The following GPC6 variants were observed in gnomAD, a reference collection of about 807,000 sequenced individuals.
The protein encoded by GPC6 is glypican-6.
Under a neutral mutation model 55.2 loss-of-function variants are expected in GPC6, and 14 were observed. The ratio of observed to expected loss-of-function variants is 0.25; its 90% CI spans 0.17 to 0.40. The LOEUF (loss-of-function observed/expected upper bound fraction) is 0.40. GPC6 is among the 10% of genes least tolerant of loss of function. The pLI is 1.00. For missense variants in GPC6, 641 were observed against 708.5 expected (o/e 0.90, Z 1.08); for synonymous variants, 278 against 259.6 (o/e 1.07, Z -0.68).
intron 4 of GPC6, among the ~76,000 whole-genome samples, chr13:94,186,058 TC>T (rs751990308): frequency 0.013 from 4 of 312 alleles, no homozygotes; most frequent in Admixed American, 0.036. Context: ...AGACTCCGTC[TC>T]CAAAAAAAAA....
At chr13:93,827,894 T>TAA (rs67134033) in intron 2 of GPC6, among the ~76,000 whole-genome samples, 14 of 150,278 alleles carry the variant, frequency 9.3e-5, no homozygotes, top group Non-Finnish European at 1.6e-4. Flanking sequence ...GAAGAAAAAA[T>TAA]AAAAAAAAAC....
At chr13:93,426,761 G>T (rs1345593702) in intron 1 of GPC6, among the ~76,000 whole-genome samples, 2 of 152,082 alleles carry the variant, frequency 1.3e-5, no homozygotes, top group Non-Finnish European at 2.9e-5. Context: ...CCAGTAATGG[G>T]ATGGCTGAGT....
At chr13:94,288,829 T>G (rs1488706412) in intron 5 of GPC6, among the ~76,000 whole-genome samples, 1 of 101,106 alleles carries the variant, frequency 9.9e-6, no homozygotes. Flanking sequence ...ATATATATAT[T>G]TGTTATATAT....
intron 4 of GPC6, among the ~76,000 whole-genome samples, chr13:94,211,397 T>C (rs1039202646): frequency 1.3e-5 from 2 of 152,230 alleles, no homozygotes; most frequent in African/African-American, 4.8e-5. Context: ...AAAAATACTA[T>C]GTCAGTATAA....
intron 2 of GPC6, among the ~76,000 whole-genome samples, chr13:93,662,167 TTCTC>T (rs920341183): frequency 2.6e-5 from 4 of 152,208 alleles, no homozygotes; most frequent in African/African-American, 9.6e-5. Context: ...TCATATATGT[TTCTC>T]TTCCTTCCTG....
At chr13:93,851,239 A>C (rs1311929474) in intron 3 of GPC6, among the ~76,000 whole-genome samples, 1 of 151,948 alleles carries the variant, frequency 6.6e-6, no homozygotes, top group Non-Finnish European at 1.5e-5. Flanking sequence ...CAGACATCTA[A>C]ATCTACTATA....
chr13:93,744,027 C>T (rs1220583969), intron 2 of GPC6, among the ~76,000 whole-genome samples: 2 of 152,126 alleles, frequency 1.3e-5, no homozygotes, highest in Non-Finnish European at 2.9e-5. Flanking sequence ...CTGGCGAATA[C>T]AGCAAAAATA....
At chr13:93,559,775 A>G (rs1177919924) in intron 2 of GPC6, among the ~76,000 whole-genome samples, 2 of 152,236 alleles carry the variant, frequency 1.3e-5, no homozygotes, top group Non-Finnish European at 2.9e-5. Context: ...TCAAGTTATT[A>G]AGAATGGAGT....
rs953072208 is a variant in GPC6, at chr13:93,495,702, G to A, written c.161-49561G>A. Reference sequence around the variant, plus strand: ...GATGGTGATGTACAGATGGGTTTTCGGTGTGGATGTCCTTTCTGTTTGTTA... The same window carrying A: ...GATGGTGATGTACAGATGGGTTTTCAGTGTGGATGTCCTTTCTGTTTGTTA... On this transcript the variant is annotated intron_variant, in intron 1 of 8. Coordinates refer to ENST00000377047, the MANE Select transcript of GPC6 (RefSeq NM_005708.5). 6.4e-4 allele frequency among the ~76,000 whole-genome samples: 80 copies of A among 124,680 alleles called. 5 individuals carry two copies. Among genetic ancestry groups the A allele is most frequent in the African/African-American group, 2.3e-3 (77 of 33,272 alleles). 81.8% of individuals were successfully genotyped at this position (124,680 alleles called of 152,430 possible). A position where few individuals can be genotyped will look rare whatever the true frequency, so the allele number is the denominator to read the frequency against.
Position 93,458,972 on chromosome 13 carries a change from G to A in GPC6, c.161-86291G>A, listed in dbSNP as rs959685418. Among the ~76,000 whole-genome samples, 35 of 152,134 alleles carry A rather than the reference G, an allele frequency of 2.3e-4. 1 individual carries two copies. The highest frequency in any genetic ancestry group is 1.9e-3 in the Admixed American group (29 of 15,272). ...ATTCTTTCCTAAATTACCTTAAGTG[G>A]TTAATTTTATTACTGATAATACCGT... is the stretch of plus-strand genomic sequence containing the variant. On this transcript the variant is annotated intron_variant, in intron 1 of 8. Coordinates refer to ENST00000377047, the MANE Select transcript of GPC6 (RefSeq NM_005708.5).
At chr13:93,647,382 T>G (rs1880218315) in intron 2 of GPC6, among the ~76,000 whole-genome samples, 1 of 152,142 alleles carries the variant, frequency 6.6e-6, no homozygotes, top group Non-Finnish European at 1.5e-5. Context: ...AGGTTATTGC[T>G]TATAAGGGAG....
In GPC6 at chr13:93,242,591, C is replaced by T. The variant is rs116673517; in HGVS notation, c.160+14975C>T. On this transcript the variant is annotated intron_variant, in intron 1 of 8. Coordinates refer to ENST00000377047, the MANE Select transcript of GPC6 (RefSeq NM_005708.5). Reference sequence around the variant, plus strand: ...GGGTGAGGGGGAGAAGTCCCCTCTACGTCACTTCATGAGTACTGGGGCTGC... The same window carrying T: ...GGGTGAGGGGGAGAAGTCCCCTCTATGTCACTTCATGAGTACTGGGGCTGC... Among the ~76,000 whole-genome samples the T allele has an allele frequency of 7.9e-3, 1,208 of 152,256 alleles. 20 individuals carry two copies. Among genetic ancestry groups the T allele is most frequent in the African/African-American group, 0.027 (1,141 of 41,542 alleles).
intron 4 of GPC6, among the ~76,000 whole-genome samples, chr13:94,248,564 T>C (rs1208862826): frequency 2.6e-5 from 4 of 151,958 alleles, no homozygotes; most frequent in Non-Finnish European, 5.9e-5. Flanking sequence ...ATGCCAAAAA[T>C]AAGTATGCAA....
At chr13:94,151,364 G>A (rs1887734245) in intron 4 of GPC6, among the ~76,000 whole-genome samples, 2 of 152,114 alleles carry the variant, frequency 1.3e-5, no homozygotes, top group African/African-American at 4.8e-5. Flanking sequence ...GAACAACAGA[G>A]AAATGTTAAG....
intron 3 of GPC6, among the ~76,000 whole-genome samples, chr13:93,833,838 C>G (rs1407222777): frequency 1.6e-4 from 25 of 152,072 alleles, no homozygotes; most frequent in Admixed American, 1.6e-3. Flanking sequence ...CAGTCTTTTT[C>G]TAGCCTTCAG....
At position 94,081,120 on chromosome 13, in the gene GPC6, G is replaced by A. The variant is rs1885082612; in HGVS notation, c.877+53226G>A. ...CTGGGCACAGTCCCTCAAGCAATAG[G>A]CTTATCACCAGGTATTGCTACTAAT... On this transcript the variant is annotated intron_variant, in intron 4 of 8. Transcript: ENST00000377047. 3.3e-5 allele frequency among the ~76,000 whole-genome samples: 5 copies of A among 152,220 alleles called. No homozygotes were observed. The South Asian group carries it at 1.0e-3, about 32-fold the overall frequency.
At chr13:93,288,449 A>C (rs1308606627) in intron 1 of GPC6, among the ~76,000 whole-genome samples, 1 of 152,140 alleles carries the variant, frequency 6.6e-6, no homozygotes, top group Non-Finnish European at 1.5e-5. Context: ...AAGTCTTTAA[A>C]ACTTTCTTTT....
At chr13:93,553,784 A>G (rs1377080656) in intron 2 of GPC6, among the ~76,000 whole-genome samples, 3 of 151,362 alleles carry the variant, frequency 2.0e-5, no homozygotes, top group Non-Finnish European at 2.9e-5. Context: ...TAGGGAGTTC[A>G]TAGACTATTC....
intron 4 of GPC6, among the ~76,000 whole-genome samples, chr13:94,104,016 G>A (rs1005886716): frequency 2.6e-4 from 40 of 152,112 alleles, no homozygotes; most frequent in African/African-American, 9.7e-4. Context: ...TATGGTTTTA[G>A]GTCTAACAGT....
Sources: allele counts gnomAD v4.1 joint callset (sites outside exome capture counted in the v4.1 genomes callset), GRCh38; gene constraint gnomAD v4.1.1; transcripts MANE v1.5; gene names NCBI Gene and HGNC (gene_info 2026-07-23, HGNC 2026-07-21).